PLA2G15: variants seen among roughly 807,000 people sequenced by gnomAD.
PLA2G15 encodes the protein phospholipase A2 group XV.
A neutral mutation model predicts 40.9 loss-of-function variants in PLA2G15; 20 were observed. The observed-to-expected ratio is 0.49, with a 90% CI of 0.34 to 0.71. The LOEUF is 0.71. PLA2G15 is among the 30% of genes least tolerant of loss of function. The pLI, the probability that PLA2G15 is intolerant of heterozygous loss-of-function variation, is 0.01. For missense variants in PLA2G15, 471 were observed against 541.9 expected (o/e 0.87, Z 1.30); for synonymous variants, 223 against 228.2 (o/e 0.98, Z 0.21).
Position 68,255,194 on chromosome 16 carries a change from G to T in PLA2G15, c.404-88G>T. The T allele has an allele frequency of 9.3e-7, 1 of 1,076,548 alleles. No individual in the cohort carries two copies. The highest frequency in any genetic ancestry group is 1.3e-5 in the South Asian group (1 of 78,642). The allele number at this position is 1,076,548 out of a possible 1,614,324, so 66.7% of individuals were successfully genotyped here. A position where few individuals can be genotyped will look rare whatever the true frequency, so the allele number is the denominator to read the frequency against. ...CCCTGTAGCATTCTTCCAAGGACCTGCTAGCTGTCACAGTCTCCATGCTGG... is the reference window on the plus strand; with the variant it reads ...CCCTGTAGCATTCTTCCAAGGACCTTCTAGCTGTCACAGTCTCCATGCTGG... On this transcript the variant is annotated intron_variant, in intron 3 of 5. Coordinates refer to ENST00000219345, the MANE Select transcript of PLA2G15 (RefSeq NM_012320.4). This position sits in a 1 kb window ranked among gnomAD's most constrained non-coding sequence, Gnocchi z 5.9.
Position 68,255,427 on chromosome 16 carries a change from G to A in PLA2G15, c.502+47G>A, listed in dbSNP as rs2042392838. On this transcript the variant is annotated intron_variant, in intron 4 of 5. Coordinates refer to ENST00000219345, the MANE Select transcript of PLA2G15 (RefSeq NM_012320.4). This position sits in a 1 kb window ranked among gnomAD's most constrained non-coding sequence, Gnocchi z 5.9. ...CTCCCTGACGTCTCGGGAGGTAGGG[G>A]TGAGGTGATCATGGGCACCACAGAC... is the stretch of plus-strand genomic sequence containing the variant. 1.5e-6 allele frequency: 2 copies of A among 1,339,920 alleles called. No individual in the cohort carries two copies. The highest frequency in any genetic ancestry group is 1.3e-5 in the South Asian group (1 of 77,732). 83.0% of individuals were successfully genotyped at this position (1,339,920 alleles called of 1,614,324 possible). A position where few individuals can be genotyped will look rare whatever the true frequency, so the allele number is the denominator to read the frequency against.
chr16:68,252,111 G>A (rs1051706872), intron 2 of PLA2G15, among the ~76,000 whole-genome samples: 10 of 152,306 alleles, frequency 6.6e-5, no homozygotes, highest in East Asian at 1.9e-4. Flanking sequence ...TCTCTGACCC[G>A]TTTAGATTTT....
chr16:68,250,306 C>G (rs910337265), intron 2 of PLA2G15: 4 of 356,380 alleles, frequency 1.1e-5, no homozygotes, highest in African/African-American at 9.6e-5. Flanking sequence ...GAGTCTTGCT[C>G]TGTCGCCCAG....
rs1471751754 is a variant in PLA2G15 at position 68,259,984 on chromosome 16, AT to A, written c.*329del. ...CTGCCTGGGGCCATGTGTCCCCCCT[AT>A]TCCTGTGGGCTTTTCATACTTGCCT... On this transcript the variant is annotated 3_prime_UTR_variant, in exon 6 of 6. Transcript: ENST00000219345. This position sits in a 1 kb window ranked among gnomAD's most constrained non-coding sequence, Gnocchi z 6.5. 2.7e-6 allele frequency: 1 copy of A among 368,688 alleles called. No individual in the cohort carries two copies. The highest frequency in any genetic ancestry group is 5.0e-6 in the Non-Finnish European group (1 of 199,160). 22.8% of individuals were successfully genotyped at this position (368,688 alleles called of 1,614,324 possible).
chr16:68,257,029 T>C (rs1485437899), intron 5 of PLA2G15, among the ~76,000 whole-genome samples: 3 of 151,832 alleles, frequency 2.0e-5, no homozygotes, highest in African/African-American at 7.3e-5. Context: ...TACAGGCGCG[T>C]ACCACCACAC....
chr16:68,258,511 C>A (rs755020257), intron 5 of PLA2G15, among the ~76,000 whole-genome samples: 1 of 152,100 alleles, frequency 6.6e-6, no homozygotes, highest in South Asian at 2.1e-4. Context: ...GCAAAAAAAA[C>A]AAAACATAGC....
In PLA2G15 at chr16:68,259,004, A is replaced by G; in HGVS notation, c.728-142A>G. On this transcript the variant is annotated intron_variant, in intron 5 of 5. Transcript: ENST00000219345. The surrounding 1 kb of genome is among the most constrained non-coding windows in gnomAD (Gnocchi z 6.5). Reference sequence around the variant, plus strand: ...CAAGGCAGGGATGGGAGTCACAGTGATTACAATGATGATAACCGGGTAGAG... The same window carrying G: ...CAAGGCAGGGATGGGAGTCACAGTGGTTACAATGATGATAACCGGGTAGAG... The G allele has an allele frequency of 1.5e-6, 1 of 679,590 alleles. No homozygotes were observed. Among genetic ancestry groups the G allele is most frequent in the Non-Finnish European group, 2.5e-6 (1 of 395,336 alleles). 42.1% of individuals were successfully genotyped at this position (679,590 alleles called of 1,614,324 possible).
Position 68,259,193 on chromosome 16 carries a change from C to A in PLA2G15, c.775C>A (p.Gln259Lys). 1 of 1,613,622 alleles carries A rather than the reference C, an allele frequency of 6.2e-7. No individual in the cohort carries two copies. The highest frequency in any genetic ancestry group is 1.3e-5 in the African/African-American group (1 of 75,072). ...PVIGPLKIRE[Q>K]QRSAVSTSWL... ...CATCGGGCCCCTGAAGATCCGGGAG[C>A]AGCAGCGGTCAGCTGTCTCCACCAG... The change falls in exon 6 of 6, where the codon CAG becomes AAG. Residue 259 changes from glutamine to lysine, a missense_variant. Coordinates refer to ENST00000219345, the MANE Select transcript of PLA2G15 (RefSeq NM_012320.4). The surrounding 1 kb of genome is among the most constrained non-coding windows in gnomAD (Gnocchi z 6.5).
chr16:68,250,988 C>T (rs949426123), intron 2 of PLA2G15, among the ~76,000 whole-genome samples: 13 of 152,132 alleles, frequency 8.5e-5, no homozygotes, highest in African/African-American at 2.7e-4. Context: ...ATCATGTGCC[C>T]GAATTTGTCT....
intron 1 of PLA2G15, among the ~76,000 whole-genome samples, chr16:68,246,946 G>C (rs111480058): frequency 2.2e-3 from 334 of 152,250 alleles, no homozygotes; most frequent in Non-Finnish European, 3.9e-3. Flanking sequence ...TCTGAGGGGC[G>C]TGGCATTAGG....
intron 1 of PLA2G15, 151 bp downstream of exon 1, chr16:68,245,704 A>C (rs2042303384): frequency 3.2e-6 from 3 of 928,536 alleles, no homozygotes; most frequent in Non-Finnish European, 3.2e-6. Context: ...CTGCCGGCTC[A>C]CCTCCCGCCA....
intron 1 of PLA2G15, 33 bp downstream of exon 1, chr16:68,245,586 T>TCGGGCGGGACGGGCCG (rs2042302360): frequency 1.3e-6 from 2 of 1,550,628 alleles, no homozygotes; most frequent in East Asian, 4.8e-5. Flanking sequence ...GATCTGTCGG[T>TCGGGCGGGACGGGCCG]CGGGCGGGAC....
At position 68,255,398 on chromosome 16, in the gene PLA2G15, TTCCC is replaced by T; in HGVS notation, c.502+24_502+27del. 1.3e-6 allele frequency: 2 copies of T among 1,561,012 alleles called. No individual in the cohort carries two copies. Among genetic ancestry groups the T allele is most frequent in the Non-Finnish European group, 1.8e-6 (2 of 1,135,590 alleles). ...AGCCCCAAGTAAGCAGGCACTCTCA[TTCCC>T]TCCCTGACGTCTCGGGAGGTAGGGG... On this transcript the variant is annotated intron_variant, in intron 4 of 5. Coordinates refer to ENST00000219345, the MANE Select transcript of PLA2G15 (RefSeq NM_012320.4). This position sits in a 1 kb window ranked among gnomAD's most constrained non-coding sequence, Gnocchi z 5.9.
At position 68,255,646 on chromosome 16, in the gene PLA2G15, T is replaced by A. The variant is rs186437710; in HGVS notation, c.503-120T>A. On this transcript the variant is annotated intron_variant, in intron 4 of 5. Coordinates refer to ENST00000219345, the MANE Select transcript of PLA2G15 (RefSeq NM_012320.4). This position sits in a 1 kb window ranked among gnomAD's most constrained non-coding sequence, Gnocchi z 5.9. The stretch of plus-strand genomic sequence containing the variant: ...TGGAAGGCGGGGGGACCCAGACCGC[T>A]CTGTTTGAATGTGAGCACCCTCCCC... 1,016 of 818,424 alleles carry A rather than the reference T, an allele frequency of 1.2e-3. 8 individuals are homozygous for A. The highest frequency in any genetic ancestry group is 7.4e-3 in the South Asian group (472 of 63,376). The allele number at this position is 818,424 out of a possible 1,614,324, so 50.7% of individuals were successfully genotyped here.
chr16:68,259,248 C>T lies in PLA2G15; in HGVS notation c.830C>T (p.Ser277Leu). 3.1e-6 allele frequency: 5 copies of T among 1,613,936 alleles called. No individual in the cohort carries two copies. Among genetic ancestry groups the T allele is most frequent in the South Asian group, 1.1e-5 (1 of 91,062 alleles). ...CTGCTGCCCTACAACTACACATGGT[C>T]ACCTGAGAAGGTGTTCGTGCAGACA... The part of the protein sequence containing the change: ...SWLLPYNYTW[S>L]PEKVFVQTPT... Residue 277 changes from serine (S) to leucine (L), a missense_variant, in exon 6 of 6, where the codon TCA (serine) becomes TTA (leucine). Physicochemically the swap from Ser to Leu is moderately radical, Grantham distance 145. Coordinates refer to ENST00000219345, the MANE Select transcript of PLA2G15 (RefSeq NM_012320.4). This position sits in a 1 kb window ranked among gnomAD's most constrained non-coding sequence, Gnocchi z 6.5.
At chr16:68,251,774 C>A (rs1295555931) in intron 2 of PLA2G15, among the ~76,000 whole-genome samples, 1 of 151,482 alleles carries the variant, frequency 6.6e-6, no homozygotes, top group Non-Finnish European at 1.5e-5. Flanking sequence ...ACAGGAGAAT[C>A]ACTTGAACCT....
At chr16:68,246,078 G>A (rs562488739) in intron 1 of PLA2G15, among the ~76,000 whole-genome samples, 34 of 152,350 alleles carry the variant, frequency 2.2e-4, no homozygotes, top group African/African-American at 7.7e-4. Context: ...CAGATGTGTG[G>A]CATTGCCTGA....
At chr16:68,246,559 G>A (rs1369330994) in intron 1 of PLA2G15, among the ~76,000 whole-genome samples, 1 of 152,210 alleles carries the variant, frequency 6.6e-6, no homozygotes, top group Non-Finnish European at 1.5e-5. Context: ...CCCACCAGGA[G>A]TTCCCAGCCA....
chr16:68,251,275 G>T (rs2042353018), intron 2 of PLA2G15, among the ~76,000 whole-genome samples: 1 of 152,208 alleles, frequency 6.6e-6, no homozygotes, highest in African/African-American at 2.4e-5. Context: ...TCCCTCCCAG[G>T]CTGAGTTCCG....
Sources: allele counts gnomAD v4.1 joint callset (sites outside exome capture counted in the v4.1 genomes callset), GRCh38; gene constraint gnomAD v4.1.1; non-coding constraint Gnocchi (gnomAD v3.1); transcripts MANE v1.5; gene names NCBI Gene and HGNC (gene_info 2026-07-23, HGNC 2026-07-21).